The following KRIT1 variants were observed in gnomAD, a reference collection of about 807,000 sequenced individuals.
KRIT1 encodes krev interaction trapped protein 1.
In KRIT1, 45 loss-of-function variants were observed where a neutral mutation model predicts 95.8. The ratio of observed to expected loss-of-function variants is 0.47; its 90% CI spans 0.37 to 0.60. KRIT1 has a LOEUF of 0.60. Ranked by LOEUF, KRIT1 falls within the 20% of genes least tolerant of loss-of-function variation. The pLI is 0.00. For missense variants in KRIT1, 788 were observed against 877.5 expected (o/e 0.90, Z 1.29); for synonymous variants, 282 against 278.8 (o/e 1.01, Z -0.11).
Position 92,243,669 on chromosome 7 carries a change from C to T in KRIT1, c.-3+333G>A, listed in dbSNP as rs192286302. Among the ~76,000 whole-genome samples, 326 of 152,188 alleles carry T rather than the reference C, an allele frequency of 2.1e-3. 4 individuals carry two copies. The highest frequency in any genetic ancestry group is 7.2e-3 in the African/African-American group (301 of 41,526). ...AGTGCCTTATGATTGTAAAATTACC[C>T]TAAGAAGAAATTCTTTTAAAATACA... is the stretch of plus-strand genomic sequence containing the variant. On this transcript the variant is annotated intron_variant, in intron 3 of 18. Coordinates refer to ENST00000394505, the MANE Select transcript of KRIT1 (RefSeq NM_194454.3).
chr7:92,227,121 A>G (rs1017229384), intron 10 of KRIT1, among the ~76,000 whole-genome samples: 10 of 152,356 alleles, frequency 6.6e-5, no homozygotes, highest in African/African-American at 1.9e-4. Flanking sequence ...CACAGTTGCT[A>G]TATTAGACAA....
intron 17 of KRIT1, among the ~76,000 whole-genome samples, chr7:92,212,606 G>T (rs1487260217): frequency 6.6e-6 from 1 of 152,148 alleles, no homozygotes; most frequent in South Asian, 2.1e-4. Flanking sequence ...CTCCAACCCA[G>T]AAAAACGCTC....
intron 14 of KRIT1, among the ~76,000 whole-genome samples, chr7:92,217,384 A>T (rs865908358): frequency 7.7e-4 from 117 of 152,308 alleles, no homozygotes; most frequent in African/African-American, 2.5e-3. Context: ...CACATAGTTT[A>T]TATCATCCCA....
intron 8 of KRIT1, 77 bp downstream of exon 8, chr7:92,235,326 T>C: frequency 7.2e-7 from 1 of 1,384,168 alleles, no homozygotes; most frequent in Non-Finnish European, 1.0e-6. Context: ...GTAATAGATG[T>C]ATATATCTCA....
Position 92,236,491 on chromosome 7 carries a change from T to C in KRIT1, c.407A>G (p.Gln136Arg). The stretch of plus-strand genomic sequence containing the variant: ...TTCACTACAGACTCGCATAATATCT[T>C]GTAAGCAGTAAAAAATTGGGCATCC... ...TPGCPIFYCLQDIMRVCSESS... is the reference protein window; with the variant it reads ...TPGCPIFYCLRDIMRVCSESS... The change falls in exon 7 of 19, where the codon CAA becomes CGA. Residue 136 changes from glutamine to arginine, a missense_variant. This residue lies in a region of KRIT1 where 289 missense variants were observed against 277.5 expected (regional missense o/e 1.04). Transcript: ENST00000394505. The C allele has an allele frequency of 1.9e-6, 3 of 1,587,510 alleles. No homozygotes were observed. The highest frequency in any genetic ancestry group is 2.6e-6 in the Non-Finnish European group (3 of 1,156,140).
chr7:92,225,489 A>G (rs1288537967), intron 12 of KRIT1, among the ~76,000 whole-genome samples: 1 of 151,906 alleles, frequency 6.6e-6, no homozygotes, highest in Non-Finnish European at 1.5e-5. Flanking sequence ...TGTATTTTTC[A>G]TAGAGATGGG....
chr7:92,229,885 A>G (rs1028517149), intron 10 of KRIT1, among the ~76,000 whole-genome samples: 2 of 152,180 alleles, frequency 1.3e-5, no homozygotes, highest in Non-Finnish European at 2.9e-5. Context: ...AGGCAACTTG[A>G]AACTACTTAG....
chr7:92,204,364 G>A (rs535280470), intron 17 of KRIT1, among the ~76,000 whole-genome samples: 46 of 152,124 alleles, frequency 3.0e-4, no homozygotes, highest in African/African-American at 8.2e-4. Flanking sequence ...GCCAGGGATC[G>A]GTTTCGTGGC....
At chr7:92,236,276 T>C in intron 7 of KRIT1, 137 bp downstream of exon 7, 5 of 636,166 alleles carry the variant, frequency 7.9e-6, no homozygotes, top group African/African-American at 1.8e-5. Flanking sequence ...TATATTAGAA[T>C]TGAAAAACTT....
chr7:92,233,193 CACAT>C (rs555865455), intron 10 of KRIT1, among the ~76,000 whole-genome samples: 135 of 126,692 alleles, frequency 1.1e-3, no homozygotes, highest in African/African-American at 3.6e-3. Context: ...CACACACACA[CACAT>C]ATAAAGCAAC....
Position 92,236,547 on chromosome 7 carries a change from A to G in KRIT1, c.356-5T>C. On this transcript the variant is annotated splice_region_variant and splice_polypyrimidine_tract_variant and intron_variant, in intron 6 of 18. Coordinates refer to ENST00000394505, the MANE Select transcript of KRIT1 (RefSeq NM_194454.3). Reference sequence around the variant, plus strand: ...TATATGTGTATTTAGTATTATCTGAAAAAGAAAAATGAAGAATTATGCTAC... The same window carrying G: ...TATATGTGTATTTAGTATTATCTGAGAAAGAAAAATGAAGAATTATGCTAC... 1 of 1,518,976 alleles carries G rather than the reference A, an allele frequency of 6.6e-7. No homozygotes were observed. The highest frequency in any genetic ancestry group is 9.1e-7 in the Non-Finnish European group (1 of 1,094,778). 94.1% of individuals were successfully genotyped at this position (1,518,976 alleles called of 1,614,324 possible). A position where few individuals can be genotyped will look rare whatever the true frequency, so the allele number is the denominator to read the frequency against.
intron 12 of KRIT1, among the ~76,000 whole-genome samples, chr7:92,223,686 A>G (rs566737344): frequency 5.3e-5 from 8 of 152,304 alleles, no homozygotes; most frequent in Middle Eastern, 6.8e-3. Context: ...TGGGTCACAT[A>G]TAATACAACA....
intron 18 of KRIT1, among the ~76,000 whole-genome samples, chr7:92,201,039 C>T (rs1431431469): frequency 1.3e-5 from 2 of 152,052 alleles, no homozygotes; most frequent in Admixed American, 6.6e-5. Context: ...GAAGGACTAC[C>T]TAATAACTTG....
At chr7:92,210,021 C>T (rs1428895938) in intron 17 of KRIT1, among the ~76,000 whole-genome samples, 2 of 152,008 alleles carry the variant, frequency 1.3e-5, no homozygotes, top group Non-Finnish European at 2.9e-5. Flanking sequence ...TGCAGTGAGC[C>T]GAGATCACGC....
intron 17 of KRIT1, among the ~76,000 whole-genome samples, chr7:92,208,792 C>T (rs140841541): frequency 3.3e-5 from 5 of 152,196 alleles, no homozygotes; most frequent in African/African-American, 7.2e-5. Context: ...AGAATACCAA[C>T]TTTCTTAAAA....
chr7:92,206,834 A>G (rs1791598167), intron 17 of KRIT1: 1 of 152,024 alleles, frequency 6.6e-6, no homozygotes. Context: ...GGAATGGAAG[A>G]ACTCAATAAA....
chr7:92,242,213 A>C, intron 3 of KRIT1, 76 bp from the exon 4 acceptor site: 1 of 831,876 alleles, frequency 1.2e-6, no homozygotes, highest in East Asian at 2.4e-5. Flanking sequence ...AAAGTAATGC[A>C]TCTTAAATTG....
chr7:92,225,373 T>C (rs560102812), intron 12 of KRIT1, among the ~76,000 whole-genome samples: 10 of 152,248 alleles, frequency 6.6e-5, no homozygotes, highest in Admixed American at 3.3e-4. Context: ...AGTGGCACAA[T>C]CTTGGCTCAC....
In KRIT1 at chr7:92,236,441, T is replaced by C. The variant is rs1307841375; in HGVS notation, c.457A>G (p.Thr153Ala). The C allele has an allele frequency of 6.2e-7, 1 of 1,605,494 alleles. No individual in the cohort carries two copies. The highest frequency in any genetic ancestry group is 8.5e-7 in the Non-Finnish European group (1 of 1,172,462). ...SESSTHFATL[T>A]ARMLIALDKW... The stretch of plus-strand genomic sequence containing the variant: ...TCCAAGGCTATTAACATCCTTGCTG[T>C]AAGTGTAGCAAAATGAGTACTGGAT... The change falls in exon 7 of 19, where the codon ACA (threonine) becomes GCA (alanine). Residue 153 changes from threonine (T) to alanine (A), a missense_variant. Physicochemically the swap from Thr to Ala is moderately conservative, Grantham distance 58. Coordinates refer to ENST00000394505, the MANE Select transcript of KRIT1 (RefSeq NM_194454.3).
Sources: allele counts gnomAD v4.1 joint callset (sites outside exome capture counted in the v4.1 genomes callset), GRCh38; gene constraint gnomAD v4.1.1; regional missense constraint gnomAD v4.1.1; transcripts MANE v1.5; gene names NCBI Gene and HGNC (gene_info 2026-07-23, HGNC 2026-07-21).